The following B2M variants were observed in gnomAD, a reference collection of about 807,000 sequenced individuals.
The protein encoded by B2M is beta-2-microglobulin, also known as beta chain of MHC class I molecules.
In B2M, 3 loss-of-function variants were observed where a neutral mutation model predicts 14.5. The ratio of observed to expected loss-of-function variants is 0.21; its 90% confidence interval spans 0.09 to 0.53. The LOEUF (loss-of-function observed/expected upper bound fraction) is 0.53. B2M is among the 20% of genes least tolerant of loss of function. The pLI, the probability that B2M is intolerant of heterozygous loss-of-function variation, is 0.95. For synonymous variants in B2M, 45 were observed against 52.7 expected (o/e 0.85, Z 0.64); for missense variants, 107 against 140.8 (o/e 0.76, Z 1.21).
At chr15:44,717,377 A>G (rs2086954445) in intron 3 of B2M, 2 of 152,204 alleles carry the variant, frequency 1.3e-5, no homozygotes, top group South Asian at 4.1e-4. Context: ...TGTCATATAT[A>G]CAGTCCATCA....
At chr15:44,716,596 T>C (rs954890107) in intron 3 of B2M, 12 of 568,896 alleles carry the variant, frequency 2.1e-5, no homozygotes, top group Non-Finnish European at 2.8e-5. Flanking sequence ...GAACTGCCAG[T>C]ATGGTATTGC....
In B2M at chr15:44,715,564, A is replaced by T. The variant is rs2141288860; in HGVS notation, c.209A>T (p.Glu70Val). ...LKNGERIEKV[E>V]HSDLSFSKDW... ...AATGGAGAGAGAATTGAAAAAGTGG[A>T]GCATTCAGACTTGTCTTTCAGCAAG... The change falls in exon 2 of 4, where the codon GAG becomes GTG. Residue 70 changes from glutamate (E) to valine (V), a missense_variant. By Grantham distance (121) the Glu-to-Val change is moderately radical. Transcript: ENST00000648006. 6.2e-7 allele frequency: 1 copy of T among 1,614,162 alleles called. No homozygotes were observed. Among genetic ancestry groups the T allele is most frequent in the East Asian group, 2.2e-5 (1 of 44,884 alleles).
chr15:44,716,126 G>A (rs1371695850), intron 2 of B2M: 2 of 640,218 alleles, frequency 3.1e-6, no homozygotes, highest in Admixed American at 5.5e-5. Context: ...GACTTCTCCA[G>A]TACTTTCTGG....
intron 3 of B2M, chr15:44,716,596 T>G (rs954890107): frequency 1.8e-6 from 1 of 568,896 alleles, no homozygotes; most frequent in African/African-American, 1.9e-5. Context: ...GAACTGCCAG[T>G]ATGGTATTGC....
At chr15:44,715,775 A>G (rs1018143125) in intron 2 of B2M, 74 bp downstream of exon 2, 50 of 1,569,182 alleles carry the variant, frequency 3.2e-5, no homozygotes, top group Admixed American at 3.0e-4. Flanking sequence ...GCTTTGATAT[A>G]AAAAAGGTCT....
intron 1 of B2M, chr15:44,713,672 A>G (rs1347928034): frequency 1.3e-5 from 2 of 152,226 alleles, no homozygotes; most frequent in Non-Finnish European, 1.5e-5. Flanking sequence ...TCCCTCAAAC[A>G]GAGAGTTCCA....
At chr15:44,716,940 A>C (rs1415997945) in intron 3 of B2M, 1 of 153,134 alleles carries the variant, frequency 6.5e-6, no homozygotes, top group Admixed American at 6.5e-5. Context: ...ACTTCTCTGC[A>C]TCTTTAGTTG....
At chr15:44,711,877 G>A (rs1410110955) in intron 1 of B2M, 6 of 603,790 alleles carry the variant, frequency 9.9e-6, no homozygotes, top group African/African-American at 3.7e-5. Flanking sequence ...CGGGAGGGTC[G>A]GGACAAAGTT....
chr15:44,712,267 C>T (rs1437969810), intron 1 of B2M, among the ~76,000 whole-genome samples: 1 of 152,154 alleles, frequency 6.6e-6, no homozygotes, highest in African/African-American at 2.4e-5. Flanking sequence ...TTATTTGTTC[C>T]CATCACATGT....
At chr15:44,716,139 G>C in intron 2 of B2M, 190 bp from the exon 3 acceptor site, 2 of 660,164 alleles carry the variant, frequency 3.0e-6, no homozygotes, top group East Asian at 5.4e-5. Flanking sequence ...CTTTCTGGCT[G>C]GATTGGTATC....
At chr15:44,716,859 C>T (rs983444747) in intron 3 of B2M, 11 of 158,986 alleles carry the variant, frequency 6.9e-5, no homozygotes, top group African/African-American at 1.9e-4. Context: ...ATTGTTATAA[C>T]TTGATATAAT....
intron 1 of B2M, chr15:44,713,663 C>T (rs1435703153): frequency 2.0e-5 from 3 of 152,242 alleles, no homozygotes; most frequent in East Asian, 1.9e-4. Context: ...TTGCCGCCTT[C>T]CCTCAAACAG....
rs1412559115 is a variant in B2M, at chr15:44,717,619, C to T, written c.*27C>T. 1 of 152,152 alleles carries T rather than the reference C, an allele frequency of 6.6e-6. No individual in the cohort carries two copies. The highest frequency in any genetic ancestry group is 6.6e-5 in the Admixed American group (1 of 15,262). 9.4% of individuals were successfully genotyped at this position (152,152 alleles called of 1,614,324 possible). Reference sequence around the variant, plus strand: ...CTTTTCTTTTCAGGTTTGAAGATGCCGCATTTGGATTGGATGAATTCCAAA... The same window carrying T: ...CTTTTCTTTTCAGGTTTGAAGATGCTGCATTTGGATTGGATGAATTCCAAA... On this transcript the variant is annotated 3_prime_UTR_variant, in exon 4 of 4. Coordinates refer to ENST00000648006, the MANE Select transcript of B2M (RefSeq NM_004048.4).
Position 44,711,596 on chromosome 15 carries a change from G to A in B2M, c.50G>A (p.Gly17Asp), listed in dbSNP as rs1196771735. The change falls in exon 1 of 4, where the codon GGC becomes GAC. Residue 17 changes from glycine (G) to aspartate (D), a missense_variant. Gly to Asp is a moderately conservative substitution (Grantham distance 94, BLOSUM62 -1). Coordinates refer to ENST00000648006, the MANE Select transcript of B2M (RefSeq NM_004048.4). The stretch of plus-strand genomic sequence containing the variant: ...GTGCTCGCGCTACTCTCTCTTTCTG[G>A]CCTGGAGGCTATCCAGCGTGAGTCT... ...LAVLALLSLS[G>D]LEAIQRTPKI... is the part of the protein sequence containing the mutation. 5 of 1,613,670 alleles carry A rather than the reference G, an allele frequency of 3.1e-6. No individual in the cohort carries two copies. The Admixed American group carries it at 6.7e-5, about 22-fold the overall frequency.
chr15:44,711,718 T>G, intron 1 of B2M, 105 bp downstream of exon 1: 1 of 1,386,634 alleles, frequency 7.2e-7, no homozygotes. Flanking sequence ...CTCCAAGTTC[T>G]CCTTGGTGGC....
intron 1 of B2M, chr15:44,714,371 T>A (rs922411141): frequency 6.6e-6 from 1 of 152,238 alleles, no homozygotes; most frequent in Non-Finnish European, 1.5e-5. Flanking sequence ...TCTTTGTTTT[T>A]TAGCTCATGA....
At chr15:44,717,050 TG>T (rs201711557) in intron 3 of B2M, 1 of 152,400 alleles carries the variant, frequency 6.6e-6, no homozygotes, top group East Asian at 1.9e-4. Context: ...GGAATTGATT[TG>T]GGAGAGCATC....
chr15:44,715,952 G>A, intron 2 of B2M: 1 of 624,562 alleles, frequency 1.6e-6, no homozygotes, highest in Non-Finnish European at 2.8e-6. Context: ...GCAGGGAGCA[G>A]CAGCAGCACT....
At chr15:44,712,179 C>T (rs1028881426) in intron 1 of B2M, among the ~76,000 whole-genome samples, 3 of 152,142 alleles carry the variant, frequency 2.0e-5, no homozygotes, top group Non-Finnish European at 4.4e-5. Context: ...CTATGTGGGG[C>T]CACACCGTGG....
Sources: allele counts gnomAD v4.1 joint callset (sites outside exome capture counted in the v4.1 genomes callset), GRCh38; gene constraint gnomAD v4.1.1; transcripts MANE v1.5; gene names NCBI Gene and HGNC (gene_info 2026-07-23, HGNC 2026-07-21).